The following KCNT1 variants were observed in gnomAD, a reference collection of about 807,000 sequenced individuals.
KCNT1 encodes potassium sodium-activated channel subfamily T member 1.
In KCNT1, 78 loss-of-function variants were observed where a neutral mutation model predicts 147.8. That is an observed-to-expected ratio of 0.53 (90% CI 0.44 to 0.64). The LOEUF is 0.64. KCNT1 is among the 30% of genes least tolerant of loss of function. KCNT1 has a pLI of 0.00. For missense variants in KCNT1, 1,419 were observed against 1,750.3 expected, an observed-to-expected ratio of 0.81 and a Z score of 3.38; for synonymous variants, 867 against 748.8, an observed-to-expected ratio of 1.16 and a Z score of -2.58.
chr9:135,778,513 G>A lies in KCNT1; in HGVS notation c.2594+18G>A, dbSNP rs374664484. The A allele has an allele frequency of 4.2e-5, 67 of 1,593,706 alleles. No homozygotes were observed. Among genetic ancestry groups the A allele is most frequent in the Middle Eastern group, 1.7e-4 (1 of 6,044 alleles). On this transcript the variant is annotated intron_variant, in intron 22 of 30. Coordinates refer to ENST00000371757, the MANE Select transcript of KCNT1 (RefSeq NM_020822.3). ...GTGGACAAGTAAGGCGTGGCCGGCC[G>A]AGGCTCGTGGGGGCTCCACACCCAC...
Position 135,765,776 on chromosome 9 carries a change from C to T in KCNT1, c.1337+16C>T, listed in dbSNP as rs369329858. 121 of 1,008,400 alleles carry T rather than the reference C, an allele frequency of 1.2e-4. 2 individuals are homozygous for T. The highest frequency in any genetic ancestry group is 9.4e-4 in the South Asian group (74 of 78,516). The allele number at this position is 1,008,400 out of a possible 1,614,324, so 62.5% of individuals were successfully genotyped here. On this transcript the variant is annotated intron_variant, in intron 13 of 30. Transcript: ENST00000371757. ...TGCGAGCCAAGTGAGTGCTGGTGGG[C>T]GGAGGGGGTGGCATGGGGGCACCTT... is the stretch of plus-strand genomic sequence containing the variant.
chr9:135,769,505 T>C (rs1016898395), intron 15 of KCNT1, among the ~76,000 whole-genome samples: 2 of 152,172 alleles, frequency 1.3e-5, no homozygotes, highest in Admixed American at 6.5e-5. Context: ...TGAAGTCTTA[T>C]GCTGGGATCC....
intron 13 of KCNT1, among the ~76,000 whole-genome samples, chr9:135,768,258 CACTGGGATACCGGTGGGGG>C (rs1832449783): frequency 4.0e-4 from 1 of 2,502 alleles, no homozygotes; most frequent in South Asian, 0.02. Context: ...GGGGGGGGGG[CACTGGGATACCGGTGGGGG>C]GGGCACAGGG....
intron 20 of KCNT1, among the ~76,000 whole-genome samples, chr9:135,776,141 T>C (rs1170248640): frequency 6.6e-6 from 1 of 152,088 alleles, no homozygotes; most frequent in African/African-American, 2.4e-5. Flanking sequence ...ACTGTGAAAA[T>C]GACTGTTTTC....
At chr9:135,774,802 T>C (rs9696449) in intron 19 of KCNT1, among the ~76,000 whole-genome samples, 3,913 of 152,138 alleles carry the variant, frequency 0.026, 59 homozygotes, top group Non-Finnish European at 0.042. Context: ...GGGCTGACCA[T>C]GGGGGGGTCC....
At position 135,784,070 on chromosome 9, in the gene KCNT1, C is replaced by A; in HGVS notation, c.2888C>A (p.Pro963Gln). Residue 963 changes from proline (P) to glutamine (Q), a missense_variant, in exon 25 of 31, where the codon CCG (proline) becomes CAG (glutamine). By Grantham distance (76) the Pro-to-Gln change is moderately conservative. Transcript: ENST00000371757. ...GSNLAFMFRL[P>Q]FAAGRVFSIS... The stretch of plus-strand genomic sequence containing the variant: ...AACCTGGCCTTCATGTTCCGCCTGC[C>A]GTTCGCCGCCGGCCGCGTCTTCAGC... 6.2e-7 allele frequency: 1 copy of A among 1,606,300 alleles called. No homozygotes were observed. Among genetic ancestry groups the A allele is most frequent in the Non-Finnish European group, 8.5e-7 (1 of 1,179,972 alleles).
chr9:135,786,609 G>C (rs1433591458), intron 29 of KCNT1, 88 bp downstream of exon 29: 3 of 1,276,594 alleles, frequency 2.3e-6, no homozygotes, highest in Non-Finnish European at 3.1e-6. Context: ...ACGGCGTCCC[G>C]GGGCCCGGGC....
In KCNT1 at chr9:135,786,316, C is replaced by T. The variant is rs759060691; in HGVS notation, c.3297C>T (p.Pro1099=). ...GCCGCCACACGGGCGGCGGTGACCC[C>T]GCAGAGCACCCACTGCTACGGCGCA... The part of the protein sequence containing the change: ...SQGRHTGGGD[P]AEHPLLRRKS... Residue 1099 remains proline (P), a synonymous_variant, in exon 29 of 31, where the codon CCC becomes CCT. Transcript: ENST00000371757. 2.4e-5 allele frequency: 39 copies of T among 1,600,078 alleles called. No individual in the cohort carries two copies. Among genetic ancestry groups the T allele is most frequent in the East Asian group, 1.4e-4 (6 of 44,288 alleles).
In KCNT1 at chr9:135,770,002, C is replaced by T. The variant is rs1268230616; in HGVS notation, c.1566C>T (p.Ile522=). Reference sequence around the variant, plus strand: ...ACGCCATGCTGGCGCTGAACTGCATCTGCCCGGCGACCTCCACCCTCATCA... The same window carrying T: ...ACGCCATGCTGGCGCTGAACTGCATTTGCCCGGCGACCTCCACCCTCATCA... ...CKYAMLALNC[I]CPATSTLITL... Residue 522 remains isoleucine, a synonymous_variant, in exon 16 of 31, where the codon ATC becomes ATT. Transcript: ENST00000371757. 6.4e-7 allele frequency: 1 copy of T among 1,557,558 alleles called. No individual in the cohort carries two copies. The highest frequency in any genetic ancestry group is 1.8e-4 in the Middle Eastern group (1 of 5,486).
Position 135,770,905 on chromosome 9 carries a change from C to G in KCNT1, c.1818C>G (p.Ile606Met). The change falls in exon 18 of 31, where the codon ATC (isoleucine) becomes ATG (methionine). Residue 606 changes from isoleucine (I) to methionine (M), a missense_variant. Coordinates refer to ENST00000371757, the MANE Select transcript of KCNT1 (RefSeq NM_020822.3). ...IGLKREDNKSILLNPGPRHIL... is the reference protein window; with the variant it reads ...IGLKREDNKSMLLNPGPRHIL... Reference sequence around the variant, plus strand: ...TGAAGCGGGAGGACAACAAGAGCATCCTGCTGAACCCGGGGCCCCGGCACA... The same window carrying G: ...TGAAGCGGGAGGACAACAAGAGCATGCTGCTGAACCCGGGGCCCCGGCACA... The G allele has an allele frequency of 1.2e-6, 2 of 1,605,222 alleles. No homozygotes were observed. Among genetic ancestry groups the G allele is most frequent in the Non-Finnish European group, 1.7e-6 (2 of 1,175,658 alleles).
At chr9:135,727,502 G>T (rs1273005109) in intron 2 of KCNT1, among the ~76,000 whole-genome samples, 1 of 150,418 alleles carries the variant, frequency 6.6e-6, no homozygotes, top group East Asian at 2.0e-4. Context: ...TCTCTGCAGG[G>T]TCCCCTCCAC....
rs756647422 is a variant in KCNT1, at chr9:135,714,535, G to A, written c.111-42G>A. On this transcript the variant is annotated intron_variant, in intron 1 of 30. Transcript: ENST00000371757. The surrounding 1 kb of genome is among the most constrained non-coding windows in gnomAD (Gnocchi z 6.2). ...GCCGGGGGCTGCGCGCGTCCGCGAG[G>A]GCGCCCGACGCGGGCTGAGGGGCGC... is the stretch of plus-strand genomic sequence containing the variant. The A allele has an allele frequency of 3.9e-6, 4 of 1,033,858 alleles. No homozygotes were observed. The highest frequency in any genetic ancestry group is 5.8e-5 in the Admixed American group (1 of 17,178). 64.0% of individuals were successfully genotyped at this position (1,033,858 alleles called of 1,614,324 possible).
chr9:135,711,469 A>G (rs1365902866), intron 1 of KCNT1, among the ~76,000 whole-genome samples: 3 of 152,210 alleles, frequency 2.0e-5, no homozygotes, highest in African/African-American at 7.2e-5. Flanking sequence ...GCCAGGAACT[A>G]GGGATGGAGA....
chr9:135,768,707 G>A, intron 14 of KCNT1, 34 bp downstream of exon 14: 1 of 1,542,532 alleles, frequency 6.5e-7, no homozygotes, highest in African/African-American at 1.4e-5. Flanking sequence ...CAGGCGGGAG[G>A]GGCACCGTGG....
intron 24 of KCNT1, among the ~76,000 whole-genome samples, chr9:135,780,947 CCT>C (rs1353007374): frequency 6.6e-6 from 1 of 152,218 alleles, no homozygotes; most frequent in East Asian, 1.9e-4. Flanking sequence ...CAGCCTTGCA[CCT>C]CTCTGTCCCA....
chr9:135,792,139 C>G lies in KCNT1; in HGVS notation c.3686C>G (p.Thr1229Ser). 1 of 1,606,088 alleles carries G rather than the reference C, an allele frequency of 6.2e-7. No individual in the cohort carries two copies. Residue 1229 changes from threonine to serine, a missense_variant, in exon 31 of 31, where the codon ACT (threonine) becomes AGT (serine). Transcript: ENST00000371757. ...SHKLSSCNPE[T>S]RDETQL ...AAGCTGTCGTCCTGCAACCCCGAGA[C>G]TCGCGACGAGACACAGCTCTGAGCC...
chr9:135,755,012 C>T (rs777318687), intron 5 of KCNT1, 109 bp from the exon 6 acceptor site: 4 of 964,050 alleles, frequency 4.1e-6, no homozygotes, highest in Non-Finnish European at 6.0e-6. Flanking sequence ...CAATGAGCAG[C>T]ACATGCTTGG....
At chr9:135,731,594 G>T (rs373535567) in intron 2 of KCNT1, among the ~76,000 whole-genome samples, 1 of 152,076 alleles carries the variant, frequency 6.6e-6, no homozygotes, top group Non-Finnish European at 1.5e-5. Flanking sequence ...TTTGTGCCGC[G>T]TTCTCTCACG....
In KCNT1 at chr9:135,792,235, C is replaced by T. The variant is rs993708698; in HGVS notation, c.*74C>T. The T allele has an allele frequency of 1.2e-5, 19 of 1,523,622 alleles. No individual in the cohort carries two copies. Among genetic ancestry groups the T allele is most frequent in the South Asian group, 4.8e-5 (4 of 82,534 alleles). 94.4% of individuals were successfully genotyped at this position (1,523,622 alleles called of 1,614,324 possible). A position where few individuals can be genotyped will look rare whatever the true frequency, so the allele number is the denominator to read the frequency against. On this transcript the variant is annotated 3_prime_UTR_variant, in exon 31 of 31. Coordinates refer to ENST00000371757, the MANE Select transcript of KCNT1 (RefSeq NM_020822.3). The stretch of plus-strand genomic sequence containing the variant: ...GGACGTGGAGGAGCGTGTGAGGACA[C>T]GGTGGCACTAGCGTGACCCTGGGGA...
Sources: allele counts gnomAD v4.1 joint callset (sites outside exome capture counted in the v4.1 genomes callset), GRCh38; gene constraint gnomAD v4.1.1; non-coding constraint Gnocchi (gnomAD v3.1); transcripts MANE v1.5; gene names NCBI Gene and HGNC (gene_info 2026-07-23, HGNC 2026-07-21).